The following SMCO2 variants were observed in gnomAD, a reference collection of about 807,000 sequenced individuals.
SMCO2 encodes single-pass membrane protein with coiled-coil domains 2.
In SMCO2, 25 loss-of-function variants were observed where a neutral mutation model predicts 29.5. The ratio of observed to expected loss-of-function variants is 0.85; its 90% CI spans 0.62 to 1.18. The LOEUF is 1.18. SMCO2 is among the 50% of genes most tolerant of loss of function. SMCO2 has a pLI of 0.00. For missense variants in SMCO2, 348 were observed against 344.5 expected (o/e 1.01, Z -0.08); for synonymous variants, 117 against 123.3 (o/e 0.95, Z 0.34).
At chr12:27,465,046 A>G (rs1419310140), upstream of SMCO2, among the ~76,000 whole-genome samples, 1 of 150,724 alleles carries the variant, frequency 6.6e-6, no homozygotes, top group African/African-American at 2.4e-5. Context: ...AAAAAAAAAA[A>G]AAAAAGAAAG....
At chr12:27,457,087 T>C in the SMCO2 span, among the ~76,000 whole-genome samples, 1 of 152,126 alleles carries the variant, frequency 6.6e-6, no homozygotes, top group Non-Finnish European at 1.5e-5. Context: ...AACTGGTCCC[T>C]GGTGCCAAAA....
chr12:27,439,907 C>A, the SMCO2 span, among the ~76,000 whole-genome samples: 1 of 152,090 alleles, frequency 6.6e-6, no homozygotes, highest in Non-Finnish European at 1.5e-5. Flanking sequence ...AACTGAGGAA[C>A]AGCAAAAGGT....
intron 7 of SMCO2, 108 bp from the exon 9 acceptor site, chr12:27,501,815 A>C: frequency 1.2e-6 from 1 of 812,728 alleles, no homozygotes. Context: ...AAGTCAAGAG[A>C]AAATTACTTA....
rs1023426998 is a variant in SMCO2, at chr12:27,497,992, A to C, written c.683+2137A>C. On this transcript the variant is annotated intron_variant, in intron 7 of 7. Coordinates refer to ENST00000298876, the Ensembl canonical transcript of SMCO2. The stretch of plus-strand genomic sequence containing the variant: ...AGTTTAATATATGTTCAGATGAAAC[A>C]GTTCATCTCGTAGACCTGGAATAAG... The C allele has an allele frequency of 4.7e-5, 14 of 298,832 alleles. 2 individuals are homozygous for C. Among genetic ancestry groups the C allele is most frequent in the African/African-American group, 3.0e-4 (13 of 42,740 alleles). The allele number at this position is 298,832 out of a possible 1,614,324, so 18.5% of individuals were successfully genotyped here. A position where few individuals can be genotyped will look rare whatever the true frequency, so the allele number is the denominator to read the frequency against.
At chr12:27,468,562 T>TACA (rs1309802711) in intron 1 of SMCO2, among the ~76,000 whole-genome samples, 2 of 152,242 alleles carry the variant, frequency 1.3e-5, no homozygotes, top group East Asian at 3.8e-4. Context: ...ATTCAGTTCC[T>TACA]CAGTTGCACT....
intron 4 of SMCO2, among the ~76,000 whole-genome samples, chr12:27,485,214 C>T (rs1333489450): frequency 1.3e-5 from 2 of 151,654 alleles, no homozygotes; most frequent in African/African-American, 2.4e-5. Flanking sequence ...TTTGGTTCTG[C>T]GGTATCTGAT....
chr12:27,492,360 C>G (rs1390707875), intron 5 of SMCO2, among the ~76,000 whole-genome samples: 2 of 152,092 alleles, frequency 1.3e-5, no homozygotes, highest in East Asian at 1.9e-4. Flanking sequence ...AACTATGCCT[C>G]AAAAATCCAT....
In SMCO2 at chr12:27,472,367, G is replaced by A. The variant is rs559198425; in HGVS notation, c.135-409G>A. On this transcript the variant is annotated intron_variant, in intron 2 of 7. Coordinates refer to ENST00000298876, the Ensembl canonical transcript of SMCO2. Reference sequence around the variant, plus strand: ...AAACATTGTGAGGAGGACAGCTGGCGGGGTGGAGATCAAGAGGGCACTGTA... The same window carrying A: ...AAACATTGTGAGGAGGACAGCTGGCAGGGTGGAGATCAAGAGGGCACTGTA... 4.6e-3 allele frequency among the ~76,000 whole-genome samples: 703 copies of A among 152,162 alleles called. 8 individuals carry two copies. The highest frequency in any genetic ancestry group is 6.0e-3 in the Non-Finnish European group (408 of 67,996).
the SMCO2 span, among the ~76,000 whole-genome samples, chr12:27,456,185 A>G: frequency 3.1e-3 from 470 of 152,372 alleles, 5 homozygotes; most frequent in African/African-American, 0.011. Context: ...TTTGCACTCC[A>G]GCCTGGGCAA....
the SMCO2 span, among the ~76,000 whole-genome samples, chr12:27,461,266 G>A: frequency 1.9e-4 from 29 of 151,816 alleles, 1 homozygote; most frequent in African/African-American, 6.8e-4. Context: ...ATATTTTTTA[G>A]CTTTTAGGTT....
chr12:27,495,553 G>A lies in SMCO2; in HGVS notation c.508-127G>A, dbSNP rs1304970246. 3 of 781,058 alleles carry A rather than the reference G, an allele frequency of 3.8e-6. No homozygotes were observed. In the African/African-American group the frequency reaches 5.4e-5, roughly 14 times the overall value. 48.4% of individuals were successfully genotyped at this position (781,058 alleles called of 1,614,324 possible). ...GCACCTGCCAATGATCTGTTCATGG[G>A]ACCTATGTGTGATTTCTAATGTGGG... is the stretch of plus-strand genomic sequence containing the variant. On this transcript the variant is annotated intron_variant, in intron 6 of 7. Coordinates refer to ENST00000298876, the Ensembl canonical transcript of SMCO2.
chr12:27,437,045 G>T, the SMCO2 span, among the ~76,000 whole-genome samples: 1 of 152,142 alleles, frequency 6.6e-6, no homozygotes, highest in Non-Finnish European at 1.5e-5. Flanking sequence ...AGCTGAAAAG[G>T]CTTATTAAAG....
At chr12:27,468,594 T>C (rs1208855087) in intron 1 of SMCO2, among the ~76,000 whole-genome samples, 3 of 152,256 alleles carry the variant, frequency 2.0e-5, no homozygotes, top group Non-Finnish European at 4.4e-5. Context: ...AAGTACTCAA[T>C]AGAAACATGT....
rs558131580 is a variant in SMCO2, at chr12:27,470,642, C to T, written c.11C>T (p.Thr4Met). Residue 4 changes from threonine to methionine, a missense_variant, in exon 2 of 8, where the codon ACG becomes ATG. Transcript: ENST00000298876. The stretch of plus-strand genomic sequence containing the variant: ...TACAGTGCCGAAGAAATGGCTCTCA[C>T]GCCCACAAACCTAAATAACAAAATG... 2.2e-5 allele frequency: 34 copies of T among 1,550,820 alleles called. No homozygotes were observed. Among genetic ancestry groups the T allele is most frequent in the African/African-American group, 1.6e-4 (12 of 73,110 alleles).
chr12:27,467,603 A>G (rs1565672950), intron 1 of SMCO2, among the ~76,000 whole-genome samples: 9 of 152,024 alleles, frequency 5.9e-5, no homozygotes, highest in Admixed American at 5.9e-4. Flanking sequence ...GCTTCAAAAG[A>G]TGGATTGTTT....
chr12:27,441,457 C>T, the SMCO2 span, among the ~76,000 whole-genome samples: 2 of 151,998 alleles, frequency 1.3e-5, no homozygotes. Context: ...ATAAAATAGA[C>T]TACAAATCAA....
chr12:27,484,160 G>A (rs989331290), intron 4 of SMCO2, among the ~76,000 whole-genome samples: 1 of 152,202 alleles, frequency 6.6e-6, no homozygotes, highest in African/African-American at 2.4e-5. Flanking sequence ...GGAGGTCAAG[G>A]TGGGTGGATC....
chr12:27,434,567 A>C, the SMCO2 span, among the ~76,000 whole-genome samples: 2,719 of 152,320 alleles, frequency 0.018, 86 homozygotes, highest in African/African-American at 0.061. Context: ...GAACACAAAA[A>C]GAAGATATGT....
chr12:27,475,625 A>T, intron 4 of SMCO2: 3 of 1,550,354 alleles, frequency 1.9e-6, no homozygotes, highest in Non-Finnish European at 2.6e-6. Flanking sequence ...CTGGAACACA[A>T]AGATAGGTCT....
Sources: gnomAD v4.1 joint callset for allele counts (sites outside exome capture counted in the v4.1 genomes callset) on GRCh38, gnomAD v4.1.1 for gene constraint, MANE v1.5 for transcripts, NCBI Gene and HGNC (gene_info 2026-07-23, HGNC 2026-07-21) for gene names.